Variants in INTS10 observed in about 807,000 individuals in gnomAD.
INTS10 encodes the protein integrator complex subunit 10.
In INTS10, 44 loss-of-function variants were observed where a neutral mutation model predicts 94.4. The ratio of observed to expected loss-of-function variants is 0.47; its 90% CI spans 0.37 to 0.60. INTS10 has a LOEUF of 0.60. INTS10 is among the 20% of genes least tolerant of loss of function. The probability of loss-of-function intolerance (pLI) is 0.00; values close to 1 mark genes in which losing one functional copy is unlikely to be tolerated. For synonymous variants in INTS10, 341 were observed against 320.7 expected, an observed-to-expected ratio of 1.06 and a Z score of -0.68; for missense variants, 797 against 868.7, an observed-to-expected ratio of 0.92 and a Z score of 1.04.
In INTS10 at chr8:19,823,538, C is replaced by T. The variant is rs181185916; in HGVS notation, c.664+97C>T. On this transcript the variant is annotated intron_variant, in intron 6 of 16. Transcript: ENST00000397977. ...TGTTCTGATTATTCTCCTCTGGATA[C>T]TTACCAGTTTGGGAGTGTTTCAAAA... 10 of 873,610 alleles carry T rather than the reference C, an allele frequency of 1.1e-5. No homozygotes were observed. The East Asian group carries it at 2.2e-4, about 20-fold the overall frequency. 54.1% of individuals were successfully genotyped at this position (873,610 alleles called of 1,614,324 possible). A position where few individuals can be genotyped will look rare whatever the true frequency, so the allele number is the denominator to read the frequency against.
chr8:19,849,164 C>T lies in INTS10; in HGVS notation c.1977-2485C>T. 7.8e-7 allele frequency: 1 copy of T among 1,288,812 alleles called. No homozygotes were observed. Among genetic ancestry groups the T allele is most frequent in the Admixed American group, 2.3e-5 (1 of 43,550 alleles). The allele number at this position is 1,288,812 out of a possible 1,614,324, so 79.8% of individuals were successfully genotyped here. A position where few individuals can be genotyped will look rare whatever the true frequency, so the allele number is the denominator to read the frequency against. The stretch of plus-strand genomic sequence containing the variant: ...CTGCTGTTTGCTGTTTTTTAAAGGC[C>T]TTCTAGCCCTCCCATGGGGTTACTG... On this transcript the variant is annotated intron_variant, in intron 16 of 16. Transcript: ENST00000397977. The surrounding 1 kb of genome is among the most constrained non-coding windows in gnomAD (Gnocchi z 4.6).
rs529415477 is a variant in INTS10 at position 19,826,680 on chromosome 8, T to C, written c.1140+121T>C. 1.1e-5 allele frequency: 10 copies of C among 887,576 alleles called. No homozygotes were observed. The South Asian group carries it at 1.5e-4, about 13-fold the overall frequency. The allele number at this position is 887,576 out of a possible 1,614,324, so 55.0% of individuals were successfully genotyped here. Reference sequence around the variant, plus strand: ...GCCTGGGTTTTAAAATTGTATGATATATTAATAATTACTAAGTCAGTGGTT... The same window carrying C: ...GCCTGGGTTTTAAAATTGTATGATACATTAATAATTACTAAGTCAGTGGTT... On this transcript the variant is annotated intron_variant, in intron 9 of 16. Coordinates refer to ENST00000397977, the MANE Select transcript of INTS10 (RefSeq NM_018142.4).
At chr8:19,823,575 GA>G in intron 6 of INTS10, 134 bp downstream of exon 6, 21 of 687,616 alleles carry the variant, frequency 3.1e-5, no homozygotes, top group South Asian at 3.6e-5. Context: ...ATGGTATCTA[GA>G]AAAAAAATAC....
chr8:19,818,112 C>G (rs912861465), intron 1 of INTS10, 163 bp from the exon 2 acceptor site: 6 of 710,574 alleles, frequency 8.4e-6, no homozygotes, highest in Non-Finnish European at 1.5e-5. Context: ...GGGTCACACT[C>G]TAAGCCCAAT....
At chr8:19,831,422 A>C (rs1376401819) in intron 10 of INTS10, among the ~76,000 whole-genome samples, 1 of 152,226 alleles carries the variant, frequency 6.6e-6, no homozygotes, top group African/African-American at 2.4e-5. Flanking sequence ...AAGATGGCTC[A>C]TGCCTGTAAT....
rs2067384756 is a variant in INTS10 at position 19,833,279 on chromosome 8, C to T, written c.1488C>T (p.Leu496=). ...GGACCCTGGAGCATCAGAGGGCGCT[C>T]ATCCAGCTGGCGACGTGCCACTTTG... is the stretch of plus-strand genomic sequence containing the variant. ...GQGTLEHQRA[L]IQLATCHFAL... is the part of the protein sequence containing the mutation. Residue 496 remains leucine (L), a synonymous_variant, in exon 12 of 17, where the codon CTC becomes CTT. Coordinates refer to ENST00000397977, the MANE Select transcript of INTS10 (RefSeq NM_018142.4). 16 of 1,613,088 alleles carry T rather than the reference C, an allele frequency of 9.9e-6. No homozygotes were observed. Among genetic ancestry groups the T allele is most frequent in the Non-Finnish European group, 1.4e-5 (16 of 1,179,518 alleles).
intron 9 of INTS10, among the ~76,000 whole-genome samples, chr8:19,828,083 C>G (rs1051389959): frequency 2.6e-5 from 4 of 151,990 alleles, no homozygotes; most frequent in Non-Finnish European, 5.9e-5. Context: ...TGGTGGCATG[C>G]ACCTATCATC....
At position 19,833,211 on chromosome 8, in the gene INTS10, G is replaced by A. The variant is rs199608596; in HGVS notation, c.1420G>A (p.Ala474Thr). The change falls in exon 12 of 17, where the codon GCT (alanine) becomes ACT (threonine). Residue 474 changes from alanine to threonine, a missense_variant. Physicochemically the swap from Ala to Thr is moderately conservative, Grantham distance 58. This residue lies in a region of INTS10 where 734 missense variants were observed against 787.8 expected (regional missense o/e 0.93). Coordinates refer to ENST00000397977, the MANE Select transcript of INTS10 (RefSeq NM_018142.4). ...GATAGCCAGCCTGCATCACTTAGCA[G>A]CTCTCCAGGGATCCATTTCTCAGCC... The part of the protein sequence containing the change: ...KAIASLHHLA[A>T]LQGSISQPQI... The A allele has an allele frequency of 1.7e-4, 271 of 1,611,904 alleles. No individual in the cohort carries two copies. The highest frequency in any genetic ancestry group is 2.2e-4 in the Non-Finnish European group (259 of 1,179,048).
Position 19,827,290 on chromosome 8 carries a change from C to T in INTS10, c.1140+731C>T, listed in dbSNP as rs180844546. On this transcript the variant is annotated intron_variant, in intron 9 of 16. Coordinates refer to ENST00000397977, the MANE Select transcript of INTS10 (RefSeq NM_018142.4). ...CCCTTGGATCTCTGCCTGGCTAGGT[C>T]CTTGTCACTTGGTCCCAGCCCAAAC... Among the ~76,000 whole-genome samples, 5 of 152,290 alleles carry T rather than the reference C, an allele frequency of 3.3e-5. No homozygotes were observed. The East Asian group carries it at 7.7e-4, about 24-fold the overall frequency.
At chr8:19,836,503 C>T (rs2067674291) in intron 12 of INTS10, among the ~76,000 whole-genome samples, 1 of 152,212 alleles carries the variant, frequency 6.6e-6, no homozygotes, top group Admixed American at 6.5e-5. Context: ...TATAGCCCTT[C>T]CCCATGTCTT....
intron 10 of INTS10, among the ~76,000 whole-genome samples, chr8:19,831,604 T>G (rs2067231677): frequency 6.6e-6 from 1 of 152,154 alleles, no homozygotes; most frequent in African/African-American, 2.4e-5. Flanking sequence ...GTAGGAGGAC[T>G]GCTTGAGGCC....
chr8:19,848,147 A>G (rs1007482397), intron 16 of INTS10, among the ~76,000 whole-genome samples: 7 of 152,234 alleles, frequency 4.6e-5, no homozygotes, highest in Non-Finnish European at 7.3e-5. Context: ...TGGAATCTTT[A>G]TTAAACAATC....
At chr8:19,818,391 A>G in intron 2 of INTS10, 49 bp downstream of exon 2, 1 of 1,574,728 alleles carries the variant, frequency 6.4e-7, no homozygotes, top group East Asian at 2.3e-5. Flanking sequence ...TCTCTCCATG[A>G]GGTTTTGTTT....
chr8:19,847,462 T>C (rs999805480), intron 16 of INTS10, among the ~76,000 whole-genome samples: 1 of 152,188 alleles, frequency 6.6e-6, no homozygotes, highest in African/African-American at 2.4e-5. Flanking sequence ...TGATTTGTTT[T>C]CTAGACTTTG....
At chr8:19,835,393 A>T (rs7838750) in intron 12 of INTS10, among the ~76,000 whole-genome samples, 134,712 of 152,168 alleles carry the variant, frequency 0.89, 59,725 homozygotes, top group South Asian at 0.91. Flanking sequence ...GAATATGGGA[A>T]CCCTGAATTC....
At chr8:19,824,636 C>T (rs989844672) in intron 7 of INTS10, 167 bp from the exon 8 acceptor site, 5 of 526,746 alleles carry the variant, frequency 9.5e-6, no homozygotes, top group African/African-American at 8.0e-5. Flanking sequence ...GATCACCACC[C>T]TAATTCAGAA....
intron 12 of INTS10, among the ~76,000 whole-genome samples, chr8:19,836,220 A>G (rs2067650221): frequency 1.2e-5 from 1 of 82,880 alleles, no homozygotes; most frequent in Non-Finnish European, 2.6e-5. Context: ...TTTTGCATAA[A>G]AGAAGAAAAA....
chr8:19,817,660 C>G lies in INTS10; in HGVS notation c.123C>G (p.Asn41Lys). 6.2e-7 allele frequency: 1 copy of G among 1,606,516 alleles called. No homozygotes were observed. Among genetic ancestry groups the G allele is most frequent in the Admixed American group, 1.7e-5 (1 of 59,304 alleles). ...TARSLYPADF[N>K]IQYEMYTIER... ...GCAGCCTCTACCCGGCAGACTTTAA[C>G]ATCCAGGTGAGGTCCCGGCTGTGCA... Residue 41 changes from asparagine (N) to lysine (K), a missense_variant, in exon 1 of 17, where the codon AAC (asparagine) becomes AAG (lysine). This residue lies in a region of INTS10 where 734 missense variants were observed against 787.8 expected (regional missense o/e 0.93). Transcript: ENST00000397977.
intron 9 of INTS10, among the ~76,000 whole-genome samples, chr8:19,826,928 G>T (rs1358233229): frequency 6.6e-6 from 1 of 152,142 alleles, no homozygotes; most frequent in East Asian, 1.9e-4. Flanking sequence ...AAAGCAAAAT[G>T]GCATTGGACC....
Sources: allele counts gnomAD v4.1 joint callset (sites outside exome capture counted in the v4.1 genomes callset), GRCh38; gene constraint gnomAD v4.1.1; regional missense constraint gnomAD v4.1.1; non-coding constraint Gnocchi (gnomAD v3.1); transcripts MANE v1.5; gene names NCBI Gene and HGNC (gene_info 2026-07-23, HGNC 2026-07-21).